SMIM45: variants seen among roughly 807,000 people sequenced by gnomAD.
SMIM45 encodes long intergenic non-protein coding RNA 634.
the SMIM45 span, chr22:41,958,102 C>T: frequency 4.2e-5 from 14 of 335,800 alleles, no homozygotes; most frequent in South Asian, 3.1e-4. Context: ...CCAGGGCTTG[C>T]TCTCCGTGTC....
the SMIM45 span, among the ~76,000 whole-genome samples, chr22:41,949,622 G>A: frequency 2.0e-5 from 3 of 152,222 alleles, no homozygotes; most frequent in South Asian, 2.1e-4. Flanking sequence ...AGGAGGGGCC[G>A]GGCTGAGACC....
chr22:41,954,843 TA>T, the SMIM45 span, among the ~76,000 whole-genome samples: 1 of 151,950 alleles, frequency 6.6e-6, no homozygotes, highest in Non-Finnish European at 1.5e-5. Flanking sequence ...CCGTCTCTAC[TA>T]AAAAATACAA....
At chr22:41,957,186 T>TTTC in the SMIM45 span, among the ~76,000 whole-genome samples, 1 of 114,662 alleles carries the variant, frequency 8.7e-6, no homozygotes, top group African/African-American at 4.7e-5. Flanking sequence ...GTGGTCTTTT[T>TTTC]TTTTTTTTTT....
chr22:41,952,734 G>A, the SMIM45 span, among the ~76,000 whole-genome samples: 1 of 152,182 alleles, frequency 6.6e-6, no homozygotes, highest in Non-Finnish European at 1.5e-5. Context: ...GAATGCCTGG[G>A]ATTTTGTGCA....
the SMIM45 span, among the ~76,000 whole-genome samples, chr22:41,954,265 G>A: frequency 7.0e-6 from 1 of 142,924 alleles, no homozygotes; most frequent in Non-Finnish European, 1.5e-5. Context: ...GGAGTGCAGT[G>A]GCACCATCTC....
At chr22:41,950,074 C>A in the SMIM45 span, among the ~76,000 whole-genome samples, 1 of 149,916 alleles carries the variant, frequency 6.7e-6, no homozygotes, top group Non-Finnish European at 1.5e-5. Flanking sequence ...AGAACCCCCA[C>A]CCCCACCCAA....
At chr22:41,947,996 C>G in the SMIM45 span, among the ~76,000 whole-genome samples, 1 of 152,136 alleles carries the variant, frequency 6.6e-6, no homozygotes, top group Non-Finnish European at 1.5e-5. Context: ...GAGACTTTAC[C>G]TCATCTTTCA....
chr22:41,950,722 G>T, the SMIM45 span, among the ~76,000 whole-genome samples: 1 of 151,980 alleles, frequency 6.6e-6, no homozygotes, highest in African/African-American at 2.4e-5. Context: ...AAGGCCAGGC[G>T]CAGTGGCTCA....
At chr22:41,946,999 A>G in the SMIM45 span, 1 of 1,611,962 alleles carries the variant, frequency 6.2e-7, no homozygotes, top group Non-Finnish European at 8.5e-7. Context: ...CGGCGGGGGA[A>G]GCAGGGCCGC....
At chr22:41,956,591 C>T in the SMIM45 span, among the ~76,000 whole-genome samples, 1 of 152,202 alleles carries the variant, frequency 6.6e-6, no homozygotes, top group Non-Finnish European at 1.5e-5. Flanking sequence ...GGCTCAGGGG[C>T]ACAAGGAGAC....
chr22:41,949,317 A>AG, the SMIM45 span, among the ~76,000 whole-genome samples: 1 of 152,044 alleles, frequency 6.6e-6, no homozygotes, highest in African/African-American at 2.4e-5. Context: ...ACTTTAGAGC[A>AG]GGGAGGCCTC....
chr22:41,957,181 CTTTTTTTTTTTTT>C, the SMIM45 span, among the ~76,000 whole-genome samples: 28 of 59,294 alleles, frequency 4.7e-4, 2 homozygotes, highest in African/African-American at 1.3e-3. Flanking sequence ...ACCACGTGGT[CTTTTTTTTTTTTT>C]TTTTTTTTTT....
At chr22:41,955,730 T>C in the SMIM45 span, among the ~76,000 whole-genome samples, 34 of 143,192 alleles carry the variant, frequency 2.4e-4, no homozygotes, top group African/African-American at 9.0e-4. Flanking sequence ...GGTGTGAACC[T>C]GGGAGGCGGA....
chr22:41,958,507 A>AGAGAGAGAGG, the SMIM45 span: 1 of 392,560 alleles, frequency 2.5e-6, no homozygotes, highest in Admixed American at 2.9e-5. Context: ...AGAGAGAGAG[A>AGAGAGAGAGG]GTCTGGGGGG....
At chr22:41,947,175 CTTAT>C in the SMIM45 span, 1 of 1,179,968 alleles carries the variant, frequency 8.5e-7, no homozygotes, top group Non-Finnish European at 1.2e-6. Flanking sequence ...CACGTGCCTC[CTTAT>C]AGGCGGGGCT....
the SMIM45 span, among the ~76,000 whole-genome samples, chr22:41,955,558 GCA>G: frequency 1.3e-5 from 2 of 151,806 alleles, no homozygotes; most frequent in Non-Finnish European, 2.9e-5. Flanking sequence ...TGTAATCCCA[GCA>G]CTTTGGGAGG....
chr22:41,958,565 T>TGGG, the SMIM45 span: 3 of 344,364 alleles, frequency 8.7e-6, no homozygotes, highest in African/African-American at 6.7e-5. Context: ...AGAGAGAGTG[T>TGGG]GGGGGCCCCA....
chr22:41,948,826 G>T, the SMIM45 span, among the ~76,000 whole-genome samples: 1 of 151,964 alleles, frequency 6.6e-6, no homozygotes, highest in Non-Finnish European at 1.5e-5. Flanking sequence ...ATTTTGGGAG[G>T]CCGAGGCGGG....
At chr22:41,947,782 T>C in the SMIM45 span, among the ~76,000 whole-genome samples, 2 of 151,568 alleles carry the variant, frequency 1.3e-5, no homozygotes, top group Non-Finnish European at 2.9e-5. Flanking sequence ...CTTCCTGGCT[T>C]AGCCTCCTGA....
Sources: allele counts gnomAD v4.1 joint callset (sites outside exome capture counted in the v4.1 genomes callset), GRCh38; gene constraint gnomAD v4.1.1; transcripts MANE v1.5; gene names NCBI Gene and HGNC (gene_info 2026-07-23, HGNC 2026-07-21).